Variants in SMAD3 observed in about 807,000 individuals in gnomAD.
The protein encoded by SMAD3 is SMAD family member 3, also known as MAD homolog 3.
In SMAD3, 12 loss-of-function variants were observed where a neutral mutation model predicts 51.8. That is an observed-to-expected ratio of 0.23 (90% CI 0.15 to 0.38). The LOEUF (loss-of-function observed/expected upper bound fraction) is 0.38. Among genes scored for constraint, SMAD3 ranks in the 10% least tolerant of loss-of-function variants. The pLI, the probability that SMAD3 is intolerant of heterozygous loss-of-function variation, is 1.00. For missense variants in SMAD3, 294 were observed against 565.6 expected (o/e 0.52, Z 4.87); for synonymous variants, 238 against 227.7 (o/e 1.05, Z -0.41).
At chr15:67,181,611 C>T (rs1438305810) in intron 6 of SMAD3, among the ~76,000 whole-genome samples, 158 bp downstream of exon 6, 1 of 151,754 alleles carries the variant, frequency 6.6e-6, no homozygotes, top group Non-Finnish European at 1.5e-5. Context: ...CTCACTGCCC[C>T]AGCAAGTCCC....
intron 1 of SMAD3, among the ~76,000 whole-genome samples, chr15:67,092,677 G>T (rs1025952406): frequency 1.3e-5 from 2 of 152,250 alleles, no homozygotes; most frequent in Admixed American, 1.3e-4. Context: ...GAGGGAGTTT[G>T]TCCAGGGGAA....
intron 1 of SMAD3, among the ~76,000 whole-genome samples, chr15:67,120,302 G>A (rs760782639): frequency 6.6e-6 from 1 of 152,226 alleles, no homozygotes; most frequent in Non-Finnish European, 1.5e-5. Context: ...AAGAGCCTGT[G>A]GCAGCTCAGG....
At chr15:67,144,001 T>A (rs937310277) in intron 1 of SMAD3, among the ~76,000 whole-genome samples, 7 of 151,774 alleles carry the variant, frequency 4.6e-5, no homozygotes, top group Non-Finnish European at 8.8e-5. Flanking sequence ...TGTATTGAGG[T>A]GTAATATGCA....
intron 4 of SMAD3, among the ~76,000 whole-genome samples, chr15:67,168,806 T>G (rs930939066): frequency 2.0e-5 from 3 of 152,048 alleles, no homozygotes; most frequent in African/African-American, 7.2e-5. Context: ...AGTGTGTGGG[T>G]GGGGGCTCTC....
chr15:67,071,669 G>A (rs1388637240), intron 1 of SMAD3, among the ~76,000 whole-genome samples: 1 of 152,126 alleles, frequency 6.6e-6, no homozygotes, highest in Non-Finnish European at 1.5e-5. Context: ...AAAATTAGCC[G>A]AGCTTGGTGG....
At position 67,113,094 on chromosome 15, in the gene SMAD3, A is replaced by ATATATATATATT. The variant is rs3985646; in HGVS notation, c.206+46735_206+46736insATATATATATTT. ...TATATGTGTATATATATATATATAT[A>ATATATATATATT]TTTTTTTGAGACAGAGTCTTGCTCT... On this transcript the variant is annotated intron_variant, in intron 1 of 8. Transcript: ENST00000327367. Among the ~76,000 whole-genome samples the ATATATATATATT allele has an allele frequency of 4.7e-3, 531 of 112,550 alleles. 46 individuals are homozygous for ATATATATATATT. Among genetic ancestry groups the ATATATATATATT allele is most frequent in the Non-Finnish European group, 7.7e-3 (445 of 57,638 alleles). 73.8% of individuals were successfully genotyped at this position (112,550 alleles called of 152,430 possible). A position where few individuals can be genotyped will look rare whatever the true frequency, so the allele number is the denominator to read the frequency against.
At chr15:67,085,058 G>A (rs1445218982) in intron 1 of SMAD3, among the ~76,000 whole-genome samples, 14 of 152,158 alleles carry the variant, frequency 9.2e-5, no homozygotes, top group African/African-American at 2.4e-4. Flanking sequence ...TAGGATGCTC[G>A]GGAATCTTTA....
chr15:67,069,979 C>T (rs1231469988), intron 1 of SMAD3, among the ~76,000 whole-genome samples: 4 of 152,214 alleles, frequency 2.6e-5, no homozygotes, highest in Non-Finnish European at 4.4e-5. Context: ...GCTGGGATTA[C>T]AGGCGTGAGC....
chr15:67,156,101 C>T (rs1460541360), intron 1 of SMAD3, among the ~76,000 whole-genome samples: 2 of 151,958 alleles, frequency 1.3e-5, no homozygotes, highest in Non-Finnish European at 2.9e-5. Flanking sequence ...GGCAGATGGG[C>T]ATATATCTGC....
chr15:67,161,792 C>CG (rs1962438544), intron 1 of SMAD3, among the ~76,000 whole-genome samples: 1 of 152,060 alleles, frequency 6.6e-6, no homozygotes, highest in African/African-American at 2.4e-5. Flanking sequence ...TTCAGGAGGT[C>CG]GGGGGGCAGA....
chr15:67,147,224 C>T (rs1387881532), intron 1 of SMAD3, among the ~76,000 whole-genome samples: 5 of 152,166 alleles, frequency 3.3e-5, no homozygotes, highest in East Asian at 3.9e-4. Flanking sequence ...GCTTGACAGC[C>T]GGGCCGACTT....
intron 1 of SMAD3, among the ~76,000 whole-genome samples, chr15:67,082,143 A>C (rs1009955042): frequency 1.2e-4 from 18 of 151,862 alleles, no homozygotes; most frequent in Non-Finnish European, 2.2e-4. Flanking sequence ...GTGGAGAGAT[A>C]GTGCTATAAT....
chr15:67,184,617 G>A, intron 6 of SMAD3, 110 bp from the exon 7 acceptor site: 18 of 1,373,012 alleles, frequency 1.3e-5, no homozygotes, highest in Non-Finnish European at 1.6e-5. Context: ...GAAGCTGGCA[G>A]TCACTGGGAG....
At chr15:67,131,031 C>G (rs1002039872) in intron 1 of SMAD3, among the ~76,000 whole-genome samples, 1 of 152,206 alleles carries the variant, frequency 6.6e-6, no homozygotes, top group Non-Finnish European at 1.5e-5. Context: ...CGGGGAATCC[C>G]CAAGGATTTG....
At chr15:67,181,539 C>T in intron 6 of SMAD3, 86 bp downstream of exon 6, 1 of 1,127,784 alleles carries the variant, frequency 8.9e-7, no homozygotes, top group African/African-American at 1.6e-5. Context: ...CACACAGCCT[C>T]TGAAGGGAAC....
intron 1 of SMAD3, among the ~76,000 whole-genome samples, chr15:67,073,918 C>T (rs1960110787): frequency 6.6e-6 from 1 of 152,178 alleles, no homozygotes. Flanking sequence ...AGTGATCTGC[C>T]CGCCTCGGCC....
At chr15:67,144,904 G>A (rs747132531) in intron 1 of SMAD3, among the ~76,000 whole-genome samples, 3 of 152,142 alleles carry the variant, frequency 2.0e-5, no homozygotes, top group Non-Finnish European at 4.4e-5. Context: ...CTGCTCAGAG[G>A]ATTGCGTGAT....
chr15:67,075,908 C>CT (rs1960156805), intron 1 of SMAD3, among the ~76,000 whole-genome samples: 1 of 129,236 alleles, frequency 7.7e-6, no homozygotes, highest in African/African-American at 2.8e-5. Flanking sequence ...GAGTGAGACT[C>CT]TGTCTCAAAA....
chr15:67,185,979 A>G (rs1356025200), intron 7 of SMAD3, among the ~76,000 whole-genome samples: 1 of 152,264 alleles, frequency 6.6e-6, no homozygotes, highest in Non-Finnish European at 1.5e-5. Context: ...GAATGCAGAA[A>G]GTCTGAAATG....
Sources: gnomAD v4.1 joint callset for allele counts (sites outside exome capture counted in the v4.1 genomes callset) on GRCh38, gnomAD v4.1.1 for gene constraint, MANE v1.5 for transcripts, NCBI Gene and HGNC (gene_info 2026-07-23, HGNC 2026-07-21) for gene names.